The following POU2F1 variants were observed in gnomAD, a reference collection of about 807,000 sequenced individuals.
The protein encoded by POU2F1 is POU domain, class 2, transcription factor 1.
Under a neutral mutation model 84.9 loss-of-function variants are expected in POU2F1, and 16 were observed. That is an observed-to-expected ratio of 0.19 (90% CI 0.13 to 0.29). POU2F1 has a LOEUF of 0.29. Among genes scored for constraint, POU2F1 ranks in the 10% least tolerant of loss-of-function variants. The pLI is 1.00. For missense variants in POU2F1, 738 were observed against 942.6 expected (o/e 0.78, Z 2.84); for synonymous variants, 368 against 368.3 (o/e 1.00, Z 0.01).
chr1:167,389,990 T>G (rs751589152), intron 9 of POU2F1, among the ~76,000 whole-genome samples: 1 of 152,232 alleles, frequency 6.6e-6, no homozygotes, highest in Non-Finnish European at 1.5e-5. Flanking sequence ...TATTAAGTAT[T>G]ATAAGTAACG....
intron 1 of POU2F1, among the ~76,000 whole-genome samples, chr1:167,284,204 T>C (rs1214805637): frequency 6.6e-6 from 1 of 152,028 alleles, no homozygotes; most frequent in Non-Finnish European, 1.5e-5. Context: ...TGGTAATAAA[T>C]TTTTTTTGTT....
chr1:167,244,389 T>C (rs1280571131), intron 1 of POU2F1, among the ~76,000 whole-genome samples: 2 of 152,196 alleles, frequency 1.3e-5, no homozygotes, highest in African/African-American at 4.8e-5. Flanking sequence ...CCGAGGACCC[T>C]GGTTTCTTCC....
At chr1:167,340,429 T>TC (rs1213417656) in intron 2 of POU2F1, among the ~76,000 whole-genome samples, 1 of 140,984 alleles carries the variant, frequency 7.1e-6, no homozygotes, top group African/African-American at 3.0e-5. Context: ...TTTTCTTTTT[T>TC]TCTTTTTTTT....
In POU2F1 at chr1:167,412,042, C is replaced by T; in HGVS notation, c.1639C>T (p.Leu547=). 1 of 1,614,242 alleles carries T rather than the reference C, an allele frequency of 6.2e-7. No individual in the cohort carries two copies. Among genetic ancestry groups the T allele is most frequent in the Non-Finnish European group, 8.5e-7 (1 of 1,180,042 alleles). The change falls in exon 14 of 16, where the codon CTG becomes TTG. Residue 547 remains leucine, a synonymous_variant. Coordinates refer to ENST00000367866, the MANE Select transcript of POU2F1 (RefSeq NM_002697.4). The stretch of plus-strand genomic sequence containing the variant: ...TTCCTCAGCAGTCACGTCCCCCTCT[C>T]TGAGTCCCTCCCCTTCTGCCTCAGC... ...PASSAVTSPS[L]SPSPSASAST...
intron 5 of POU2F1, among the ~76,000 whole-genome samples, chr1:167,373,679 G>A (rs1197747015): frequency 2.0e-5 from 3 of 152,148 alleles, no homozygotes; most frequent in Non-Finnish European, 2.9e-5. Context: ...AATATGGCAG[G>A]GATTCATGCT....
intron 2 of POU2F1, among the ~76,000 whole-genome samples, chr1:167,336,222 C>T (rs188748848): frequency 5.8e-4 from 88 of 152,230 alleles, no homozygotes; most frequent in African/African-American, 1.9e-3. Context: ...CAGTATAAAT[C>T]GTAATTGGAT....
chr1:167,246,360 A>T (rs1174623786), intron 1 of POU2F1, among the ~76,000 whole-genome samples: 2 of 152,230 alleles, frequency 1.3e-5, no homozygotes, highest in Non-Finnish European at 2.9e-5. Context: ...TGCCAAGTTT[A>T]TGCCTCAGTT....
At chr1:167,273,025 C>A (rs1404549658) in intron 1 of POU2F1, among the ~76,000 whole-genome samples, 1 of 152,194 alleles carries the variant, frequency 6.6e-6, no homozygotes, top group African/African-American at 2.4e-5. Context: ...AGTAAACACA[C>A]CCATTCCAAA....
intron 2 of POU2F1, among the ~76,000 whole-genome samples, chr1:167,349,023 C>T (rs16858922): frequency 0.092 from 14,032 of 152,098 alleles, 1,120 homozygotes; most frequent in African/African-American, 0.21. Context: ...TAACTGTGAG[C>T]TCCTTGTAGT....
chr1:167,268,088 A>C (rs927859614), intron 1 of POU2F1, among the ~76,000 whole-genome samples: 11 of 152,088 alleles, frequency 7.2e-5, no homozygotes, highest in Admixed American at 2.0e-4. Context: ...AATCACTTAG[A>C]TATTGGTTCT....
chr1:167,241,032 C>T (rs1191938071), intron 1 of POU2F1, among the ~76,000 whole-genome samples: 15 of 152,064 alleles, frequency 9.9e-5, no homozygotes, highest in Non-Finnish European at 1.6e-4. Context: ...ATCCCAGCTA[C>T]TCGGGAGGCT....
At chr1:167,319,911 T>C (rs1361479830) in intron 1 of POU2F1, among the ~76,000 whole-genome samples, 1 of 152,196 alleles carries the variant, frequency 6.6e-6, no homozygotes, top group East Asian at 1.9e-4. Context: ...TTAGCTTCTT[T>C]CCAGGTAATG....
At chr1:167,282,174 G>C (rs1231543414) in intron 1 of POU2F1, among the ~76,000 whole-genome samples, 6 of 147,634 alleles carry the variant, frequency 4.1e-5, no homozygotes, top group Admixed American at 1.3e-4. Context: ...GACGAGTCTC[G>C]CTCTGTCGCC....
chr1:167,383,591 C>A, intron 7 of POU2F1: 1 of 229,128 alleles, frequency 4.4e-6, no homozygotes, highest in Non-Finnish European at 8.4e-6. Context: ...CCCATTCTTT[C>A]CTAAAATAAA....
chr1:167,297,082 T>C (rs768261377), intron 1 of POU2F1, among the ~76,000 whole-genome samples: 3 of 152,246 alleles, frequency 2.0e-5, no homozygotes, highest in Non-Finnish European at 4.4e-5. Context: ...TTTGCACTAA[T>C]AACCAGACCC....
chr1:167,273,391 C>T (rs1025019896), intron 1 of POU2F1, among the ~76,000 whole-genome samples: 9 of 152,156 alleles, frequency 5.9e-5, no homozygotes, highest in Non-Finnish European at 2.9e-5. Flanking sequence ...GGGCTCCAAC[C>T]CCACTCCCCT....
At chr1:167,299,694 A>AGTTTTTTTTTTTTT (rs71301014) in intron 1 of POU2F1, among the ~76,000 whole-genome samples, 2 of 128,664 alleles carry the variant, frequency 1.6e-5, no homozygotes, top group South Asian at 4.3e-4. Context: ...AGGAGACCAG[A>AGTTTTTTTTTTTTT]GTTTTTTTTT....
At chr1:167,409,610 G>T (rs1649818774) in intron 13 of POU2F1, among the ~76,000 whole-genome samples, 1 of 152,154 alleles carries the variant, frequency 6.6e-6, no homozygotes, top group South Asian at 2.1e-4. Flanking sequence ...GAGACGCCTA[G>T]AACAATTTTG....
At chr1:167,293,346 A>AAT (rs377083752) in intron 1 of POU2F1, among the ~76,000 whole-genome samples, 6 of 152,366 alleles carry the variant, frequency 3.9e-5, no homozygotes, top group African/African-American at 1.4e-4. Context: ...CCAAGCCAAG[A>AAT]ATCAAATCAA....
Sources: gnomAD v4.1 joint callset for allele counts (sites outside exome capture counted in the v4.1 genomes callset) on GRCh38, gnomAD v4.1.1 for gene constraint, MANE v1.5 for transcripts, NCBI Gene and HGNC (gene_info 2026-07-23, HGNC 2026-07-21) for gene names.